The following WIPF2 variants were observed in gnomAD, a reference collection of about 807,000 sequenced individuals.
The protein encoded by WIPF2 is WAS/WASL-interacting protein family member 2.
Under a neutral mutation model 38.8 loss-of-function variants are expected in WIPF2, and 23 were observed. That is an observed-to-expected ratio of 0.59 (90% CI 0.43 to 0.84). WIPF2 has a LOEUF of 0.84. WIPF2 is among the 40% of genes least tolerant of loss of function. The pLI is 0.00. For missense variants in WIPF2, 574 were observed against 580.5 expected (o/e 0.99, Z 0.11); for synonymous variants, 210 against 223.2 (o/e 0.94, Z 0.53).
rs1393545697 is a variant in WIPF2 at position 40,262,098 on chromosome 17, A to G, written c.197-427A>G. ...TTCTCTTTTTTTTTTTTTTTTTGAA[A>G]CAGGGTCTTGCTCTGTCTGTTGCTC... On this transcript the variant is annotated intron_variant, in intron 3 of 7. Coordinates refer to ENST00000323571, the MANE Select transcript of WIPF2 (RefSeq NM_133264.5). Among the ~76,000 whole-genome samples, 5 of 136,430 alleles carry G rather than the reference A, an allele frequency of 3.7e-5. No homozygotes were observed. In the South Asian group the frequency reaches 7.0e-4, roughly 19 times the overall value. 89.5% of individuals were successfully genotyped at this position (136,430 alleles called of 152,430 possible). A position where few individuals can be genotyped will look rare whatever the true frequency, so the allele number is the denominator to read the frequency against.
chr17:40,264,832 C>G lies in WIPF2; in HGVS notation c.656C>G (p.Pro219Arg), dbSNP rs748621264. 6.2e-7 allele frequency: 1 copy of G among 1,614,120 alleles called. No homozygotes were observed. Among genetic ancestry groups the G allele is most frequent in the East Asian group, 2.2e-5 (1 of 44,878 alleles). Residue 219 changes from proline (P) to arginine (R), a missense_variant, in exon 5 of 8, where the codon CCT becomes CGT. Coordinates refer to ENST00000323571, the MANE Select transcript of WIPF2 (RefSeq NM_133264.5). ...CCGACGCCTGGACAAAGGCTTCACC[C>G]TGGTCGAGAGGGACCTCCTGCTCCA... ...LPPTPGQRLH[P>R]GREGPPAPPP...
intron 1 of WIPF2, among the ~76,000 whole-genome samples, chr17:40,228,832 G>A (rs2030612654): frequency 6.6e-6 from 1 of 151,808 alleles, no homozygotes; most frequent in Admixed American, 6.6e-5. Flanking sequence ...TGCCTAGGCT[G>A]GTCTTGAACT....
chr17:40,274,557 GAAAAAAAAAAAAAA>G lies in WIPF2; in HGVS notation c.1180+576_1180+589del, dbSNP rs571085371. Among the ~76,000 whole-genome samples, 14 of 24,782 alleles carry G rather than the reference GAAAAAAAAAAAAAA, an allele frequency of 5.6e-4. 1 individual carries two copies. Among genetic ancestry groups the G allele is most frequent in the East Asian group, 5.4e-3 (7 of 1,302 alleles). The allele number at this position is 24,782 out of a possible 152,430, so 16.3% of individuals were successfully genotyped here. On this transcript the variant is annotated intron_variant, in intron 6 of 7. Transcript: ENST00000323571. The stretch of plus-strand genomic sequence containing the variant: ...CATCCAGCCTTTCCTTGGAATTCTT[GAAAAAAAAAAAAAA>G]AAAAAAAAAAAAAAAAAGAAAAGTC...
intron 4 of WIPF2, among the ~76,000 whole-genome samples, chr17:40,263,012 C>T (rs893559454): frequency 6.6e-6 from 1 of 152,040 alleles, no homozygotes; most frequent in Non-Finnish European, 1.5e-5. Context: ...TGAACTCACT[C>T]GTAGAAGTAG....
At chr17:40,258,810 C>T (rs1209846460) in intron 2 of WIPF2, among the ~76,000 whole-genome samples, 1 of 151,430 alleles carries the variant, frequency 6.6e-6, no homozygotes, top group Non-Finnish European at 1.5e-5. Flanking sequence ...GACAGAGTCT[C>T]ACTCTGTTAC....
intron 1 of WIPF2, 61 bp from the exon 2 acceptor site, chr17:40,256,330 C>A: frequency 1.4e-6 from 2 of 1,384,038 alleles, no homozygotes; most frequent in Non-Finnish European, 2.0e-6. Context: ...TTCTCTCATT[C>A]TCCTGGGCAC....
At chr17:40,226,632 A>C (rs2030503846) in intron 1 of WIPF2, among the ~76,000 whole-genome samples, 1 of 152,208 alleles carries the variant, frequency 6.6e-6, no homozygotes, top group East Asian at 1.9e-4. Flanking sequence ...AGTAGGGAGG[A>C]TGTTTATTAT....
At chr17:40,270,298 G>A (rs151100195) in intron 5 of WIPF2, among the ~76,000 whole-genome samples, 3 of 151,570 alleles carry the variant, frequency 2.0e-5, no homozygotes, top group African/African-American at 7.3e-5. Flanking sequence ...CCCGGGAGGC[G>A]GAGCTTGCAG....
At chr17:40,249,810 C>T (rs1276620399) in intron 1 of WIPF2, among the ~76,000 whole-genome samples, 1 of 151,404 alleles carries the variant, frequency 6.6e-6, no homozygotes, top group Non-Finnish European at 1.5e-5. Flanking sequence ...TTTCTGAATT[C>T]TGTGATGAAT....
intron 3 of WIPF2, among the ~76,000 whole-genome samples, chr17:40,261,778 C>G (rs1335974408): frequency 6.7e-6 from 1 of 149,998 alleles, no homozygotes; most frequent in Non-Finnish European, 1.5e-5. Flanking sequence ...GCTCCACCTT[C>G]TGGGTTCATG....
At chr17:40,268,020 T>C (rs1026727736) in intron 5 of WIPF2, among the ~76,000 whole-genome samples, 12 of 152,204 alleles carry the variant, frequency 7.9e-5, no homozygotes, top group African/African-American at 2.6e-4. Context: ...TGGCGGTGCA[T>C]GCCTGTAGTC....
Position 40,264,762 on chromosome 17 carries a change from C to T in WIPF2, c.586C>T (p.His196Tyr), listed in dbSNP as rs2032026766. ...CGCACCCCCCACACCTCTGCCTATG[C>T]ACAGCAGCAAAGCCCCCGCCTACAA... Reference protein sequence around the residue: ...ANAPPTPLPMHSSKAPAYNRE... With the variant: ...ANAPPTPLPMYSSKAPAYNRE... The change falls in exon 5 of 8, where the codon CAC becomes TAC. Residue 196 changes from histidine (H) to tyrosine (Y), a missense_variant. Coordinates refer to ENST00000323571, the MANE Select transcript of WIPF2 (RefSeq NM_133264.5). 4 of 1,605,740 alleles carry T rather than the reference C, an allele frequency of 2.5e-6. No individual in the cohort carries two copies. The highest frequency in any genetic ancestry group is 3.4e-6 in the Non-Finnish European group (4 of 1,176,152).
chr17:40,231,424 C>CA (rs1567709908), intron 1 of WIPF2, among the ~76,000 whole-genome samples: 9 of 149,218 alleles, frequency 6.0e-5, no homozygotes, highest in African/African-American at 2.2e-4. Flanking sequence ...TGCTTTTCTA[C>CA]CTTTTTTTTT....
chr17:40,276,769 C>G (rs1456766520), intron 6 of WIPF2, among the ~76,000 whole-genome samples: 2 of 151,996 alleles, frequency 1.3e-5, no homozygotes, highest in East Asian at 3.9e-4. Context: ...AGAAAACTAG[C>G]CGGGTGAGGT....
At chr17:40,224,038 C>G (rs1419191345) in intron 1 of WIPF2, among the ~76,000 whole-genome samples, 1 of 151,732 alleles carries the variant, frequency 6.6e-6, no homozygotes, top group Non-Finnish European at 1.5e-5. Context: ...TCTTACAACC[C>G]CAGGAAGAGT....
intron 1 of WIPF2, among the ~76,000 whole-genome samples, chr17:40,232,179 A>ATCTTTTTTTTTTTTTTT (rs2030773095): frequency 1.3e-5 from 1 of 76,056 alleles, no homozygotes. Flanking sequence ...TGCCTGGCTA[A>ATCTTTTTTTTTTTTTTT]TTTTTTTTTT....
chr17:40,243,556 C>G (rs1456650805), intron 1 of WIPF2, among the ~76,000 whole-genome samples: 2 of 151,862 alleles, frequency 1.3e-5, no homozygotes, highest in Non-Finnish European at 2.9e-5. Context: ...CTCTGTCGCC[C>G]AGGCTGGAGT....
intron 1 of WIPF2, among the ~76,000 whole-genome samples, chr17:40,223,710 C>T (rs564152829): frequency 6.6e-6 from 1 of 151,428 alleles, no homozygotes; most frequent in South Asian, 2.1e-4. Context: ...AGCGATTCTC[C>T]TGCCTCAGCC....
intron 1 of WIPF2, among the ~76,000 whole-genome samples, chr17:40,250,561 T>C: frequency 6.6e-6 from 1 of 152,056 alleles, no homozygotes; most frequent in East Asian, 1.9e-4. Context: ...TATCTTGGTT[T>C]TTAAGATGGA....
Sources: allele counts gnomAD v4.1 joint callset (sites outside exome capture counted in the v4.1 genomes callset), GRCh38; gene constraint gnomAD v4.1.1; transcripts MANE v1.5; gene names NCBI Gene and HGNC (gene_info 2026-07-23, HGNC 2026-07-21).